Variants in MYH2 observed in about 807,000 individuals in gnomAD.
The protein encoded by MYH2 is myosin heavy chain 2.
A neutral mutation model predicts 228.1 loss-of-function variants in MYH2; 139 were observed. The observed-to-expected ratio is 0.61, with a 90% CI of 0.53 to 0.70. The LOEUF (loss-of-function observed/expected upper bound fraction) is 0.70. Ranked by LOEUF, MYH2 falls within the 30% of genes least tolerant of loss-of-function variation. The pLI is 0.00. For missense variants in MYH2, 1,809 were observed against 2,357.5 expected, an observed-to-expected ratio of 0.77 and a Z score of 4.82; for synonymous variants, 796 against 871.1, an observed-to-expected ratio of 0.91 and a Z score of 1.52.
At position 10,536,563 on chromosome 17, in the gene MYH2, G is replaced by C. The variant is rs1002034016; in HGVS notation, c.1941C>G (p.Gly647=). The C allele has an allele frequency of 1.2e-6, 2 of 1,613,832 alleles. No homozygotes were observed. The highest frequency in any genetic ancestry group is 2.7e-5 in the African/African-American group (2 of 74,922). The change falls in exon 17 of 40, where the codon GGC becomes GGG. Residue 647 remains glycine, a synonymous_variant. Transcript: ENST00000245503. The part of the protein sequence containing the change: ...GGAKKGGKKK[G]SSFQTVSALF... Reference sequence around the variant, plus strand: ...GGGCAGACACTGTCTGGAAAGAAGAGCCCTTCTTCTTACCACCTTTCTTGG... The same window carrying C: ...GGGCAGACACTGTCTGGAAAGAAGACCCCTTCTTCTTACCACCTTTCTTGG...
At chr17:10,540,824 T>C in intron 10 of MYH2, 127 bp from the exon 11 acceptor site, 1 of 725,314 alleles carries the variant, frequency 1.4e-6, no homozygotes, top group South Asian at 1.6e-5. Context: ...AGGGACCGGC[T>C]GAAGCCATGG....
Position 10,540,064 on chromosome 17 carries a change from A to C in MYH2, c.1011T>G (p.Ser337Arg). 6.2e-7 allele frequency: 1 copy of C among 1,613,888 alleles called. No individual in the cohort carries two copies. Among genetic ancestry groups the C allele is most frequent in the Middle Eastern group, 1.7e-4 (1 of 6,060 alleles). ...DDQEELMATD[S>R]AIDILGFTNE... The stretch of plus-strand genomic sequence containing the variant: ...TAGTAAAGCCCAAAATATCAATAGC[A>C]CTCTGTCAATATAACCAATAGGATA... The change falls in exon 12 of 40, where the codon AGT becomes AGG. Residue 337 changes from serine (S) to arginine (R), a missense_variant and splice_region_variant. Physicochemically the swap from Ser to Arg is moderately radical, Grantham distance 110. Around this residue, in one of 9 missense-constraint regions of MYH2, gnomAD observed 373 missense variants for 620.4 expected, o/e 0.60. Coordinates refer to ENST00000245503, the MANE Select transcript of MYH2 (RefSeq NM_017534.6).
In MYH2 at chr17:10,533,492, G is replaced by C; in HGVS notation, c.2304+17C>G. ...AAGGGACAGGAATAGCATCAGGTAG[G>C]ATTTACAGAAAATTACCTTGGTGTG... On this transcript the variant is annotated intron_variant, in intron 20 of 39. Coordinates refer to ENST00000245503, the MANE Select transcript of MYH2 (RefSeq NM_017534.6). 1.2e-6 allele frequency: 2 copies of C among 1,614,166 alleles called. No individual in the cohort carries two copies. Among genetic ancestry groups the C allele is most frequent in the Non-Finnish European group, 1.7e-6 (2 of 1,180,008 alleles).
chr17:10,529,489 TAA>T lies in MYH2; in HGVS notation c.3118-10_3118-9del, dbSNP rs1181626505. On this transcript the variant is annotated splice_polypyrimidine_tract_variant and intron_variant, in intron 24 of 39. Transcript: ENST00000245503. ...CTCCAAGGACCCTTCAAGCTAAATA[TAA>T]ATTATGTTGAATCAGAAGGAATGCT... 1 of 1,614,232 alleles carries T rather than the reference TAA, an allele frequency of 6.2e-7. No homozygotes were observed. Among genetic ancestry groups the T allele is most frequent in the Non-Finnish European group, 8.5e-7 (1 of 1,180,036 alleles).
chr17:10,543,852 C>T, intron 7 of MYH2, 49 bp from the exon 8 acceptor site: 1 of 1,613,972 alleles, frequency 6.2e-7, no homozygotes, highest in Non-Finnish European at 8.5e-7. Context: ...GAATTTCCTA[C>T]CTGAGAGTCC....
chr17:10,533,729 A>G, intron 19 of MYH2, 97 bp from the exon 20 acceptor site: 1 of 1,470,786 alleles, frequency 6.8e-7, no homozygotes. Context: ...GAGCTTTAAA[A>G]AAATATTATT....
chr17:10,543,619 T>C, intron 8 of MYH2, 92 bp downstream of exon 8: 2 of 1,527,494 alleles, frequency 1.3e-6, no homozygotes, highest in South Asian at 1.1e-5. Context: ...TGTAATAGAA[T>C]GGGAATGAAA....
rs2073328611 is a variant in MYH2, at chr17:10,524,734, G to A, written c.4971+23C>T. The A allele has an allele frequency of 6.2e-7, 1 of 1,614,180 alleles. No individual in the cohort carries two copies. The highest frequency in any genetic ancestry group is 8.5e-7 in the Non-Finnish European group (1 of 1,180,038). On this transcript the variant is annotated intron_variant, in intron 34 of 39. Transcript: ENST00000245503. The surrounding 1 kb of genome is among the most constrained non-coding windows in gnomAD (Gnocchi z 4.7). ...GTTGCAGGCACCCCAATAGTCCTGG[G>A]ACCATCTCTTGGACATATTTACCTT...
chr17:10,543,027 G>A (rs966848675), intron 9 of MYH2, 54 bp from the exon 10 acceptor site: 48 of 1,585,076 alleles, frequency 3.0e-5, no homozygotes, highest in African/African-American at 9.4e-5. Flanking sequence ...TGTGACATGC[G>A]AATTTGATTT....
intron 22 of MYH2, among the ~76,000 whole-genome samples, chr17:10,530,655 G>A (rs889282771): frequency 1.6e-4 from 24 of 152,116 alleles, no homozygotes; most frequent in African/African-American, 5.6e-4. Context: ...GGACAGGGCA[G>A]GCGGGAAATG....
At chr17:10,546,284 T>TATATATATATATATATATATAC (rs2073630659) in intron 4 of MYH2, among the ~76,000 whole-genome samples, 1 of 132,402 alleles carries the variant, frequency 7.6e-6, no homozygotes, top group African/African-American at 2.7e-5. Context: ...TATATATATA[T>TATATATATATATATATATATAC]ATATACATCA....
chr17:10,540,028 CT>C lies in MYH2; in HGVS notation c.1046del (p.Lys349ArgfsTer11). 6.2e-7 allele frequency: 1 copy of C among 1,613,816 alleles called. No individual in the cohort carries two copies. The highest frequency in any genetic ancestry group is 2.2e-5 in the East Asian group (1 of 44,882). On this transcript the variant is annotated frameshift_variant, in exon 12 of 40. Transcript: ENST00000245503. LOFTEE classifies it high-confidence loss of function. ...CCCCCGTGAGCTTGTAAATGGAGAC[CT>C]TTTCTTCATTAGTAAAGCCCAAAAT... ...IDILGFTNEE[K>X]VSIYKLTGAV...
rs141370980 is a variant in MYH2 at position 10,526,970 on chromosome 17, C to A, written c.3958G>T (p.Glu1320Ter). Residue 1320 changes from glutamate to a stop codon, truncating the protein, a stop_gained, in exon 29 of 40, where the codon GAA (glutamate) becomes TAA (stop). Transcript: ENST00000245503. LOFTEE classifies it high-confidence loss of function. Reference sequence around the variant, plus strand: ...TCCTCTTCAAGTTGCCTCTTTAATTCTTCAATCTGTTGAGTAAAGGCTTGT... The same window carrying A: ...TCCTCTTCAAGTTGCCTCTTTAATTATTCAATCTGTTGAGTAAAGGCTTGT... ...GKQAFTQQIE[E>*]LKRQLEEEIK... is the part of the protein sequence containing the mutation. The A allele has an allele frequency of 1.9e-6, 3 of 1,614,068 alleles. No individual in the cohort carries two copies. The African/African-American group carries it at 4.0e-5, about 22-fold the overall frequency.
At position 10,523,076 on chromosome 17, in the gene MYH2, T is replaced by G. The variant is rs749831874; in HGVS notation, c.5673+14A>C. The G allele has an allele frequency of 5.0e-6, 8 of 1,587,924 alleles. 1 individual carries two copies. In the South Asian group the frequency reaches 8.8e-5, roughly 18 times the overall value. ...TTAGCTTAATTTGAGGACTTCAATC[T>G]TAAAAATACTTACAGCCTCCTCAGC... On this transcript the variant is annotated intron_variant, in intron 39 of 39. Transcript: ENST00000245503.
intron 27 of MYH2, among the ~76,000 whole-genome samples, chr17:10,528,292 A>G (rs781287214): frequency 4.6e-5 from 7 of 152,184 alleles, no homozygotes; most frequent in Non-Finnish European, 8.8e-5. Context: ...TTCTAATTTT[A>G]AGATTTTGTT....
chr17:10,539,196 CA>C lies in MYH2; in HGVS notation c.1416+8del, dbSNP rs2073520373. The C allele has an allele frequency of 1.9e-6, 3 of 1,614,102 alleles. No homozygotes were observed. Among genetic ancestry groups the C allele is most frequent in the South Asian group, 2.2e-5 (2 of 91,084 alleles). ...GTAAAATCCTCTCACCAATCAGCTA[CA>C]AACTCACATCAAAAATCTCAAAACC... On this transcript the variant is annotated splice_region_variant and intron_variant, in intron 14 of 39. Coordinates refer to ENST00000245503, the MANE Select transcript of MYH2 (RefSeq NM_017534.6).
At chr17:10,539,024 T>C (rs2073517611) in intron 14 of MYH2, among the ~76,000 whole-genome samples, 181 bp downstream of exon 14, 1 of 152,198 alleles carries the variant, frequency 6.6e-6, no homozygotes, top group Admixed American at 6.5e-5. Flanking sequence ...CCTTATTAAG[T>C]GCATTGTTGT....
chr17:10,542,141 C>T (rs955423618), intron 10 of MYH2, among the ~76,000 whole-genome samples: 23 of 152,184 alleles, frequency 1.5e-4, no homozygotes, highest in Admixed American at 5.2e-4. Flanking sequence ...GGCATGGTGG[C>T]GCATGCCTGT....
rs184725551 is a variant in MYH2 at position 10,529,002 on chromosome 17, G to A, written c.3432C>T (p.Asp1144=). 1,187 of 1,613,726 alleles carry A rather than the reference G, an allele frequency of 7.4e-4. 9 individuals are homozygous for A. The East Asian group carries it at 9.8e-3, about 13-fold the overall frequency. The change falls in exon 27 of 40, where the codon GAC becomes GAT. Residue 1144 remains aspartate, a synonymous_variant. Coordinates refer to ENST00000245503, the MANE Select transcript of MYH2 (RefSeq NM_017534.6). The part of the protein sequence containing the change: ...SRAKAEKQRS[D]LSRELEEISE... ...TGATCTCCTCCAGCTCCCGGGAGAG[G>A]TCAGAGCGCTGCTTCTCTGCTTTGG... is the stretch of plus-strand genomic sequence containing the variant.
Sources: allele counts gnomAD v4.1 joint callset (sites outside exome capture counted in the v4.1 genomes callset), GRCh38; gene constraint gnomAD v4.1.1; regional missense constraint gnomAD v4.1.1; non-coding constraint Gnocchi (gnomAD v3.1); transcripts MANE v1.5; gene names NCBI Gene and HGNC (gene_info 2026-07-23, HGNC 2026-07-21).